The following RTL4 variants were observed in gnomAD, a reference collection of about 807,000 sequenced individuals.
RTL4 encodes retrotransposon Gag like 4.
In RTL4, 4 loss-of-function variants were observed where a neutral mutation model predicts 5.3. The observed-to-expected ratio is 0.75, with a 90% CI of 0.37 to 1.72. The LOEUF (loss-of-function observed/expected upper bound fraction) is 1.72. Ranked by LOEUF, RTL4 falls within the 40% of genes most tolerant of loss-of-function variation. The pLI, the probability that RTL4 is intolerant of heterozygous loss-of-function variation, is 0.04. For synonymous variants in RTL4, 98 were observed against 87.3 expected (o/e 1.12, Z -0.68); for missense variants, 260 against 227.1 (o/e 1.14, Z -0.93).
chrX:112,219,908 A>G, the RTL4 span, among the ~76,000 whole-genome samples: 1 of 111,954 alleles, frequency 8.9e-6, no homozygotes, highest in Admixed American at 9.5e-5. Context: ...TTAAGATAGA[A>G]AAACCTTTCT....
At chrX:112,189,165 A>G in the RTL4 span, among the ~76,000 whole-genome samples, 1 of 111,158 alleles carries the variant, frequency 9.0e-6, no homozygotes, top group Admixed American at 9.6e-5. Context: ...AGGCCAAGGT[A>G]GGAAGATTGC....
At chrX:112,087,137 T>A in the RTL4 span, among the ~76,000 whole-genome samples, 1 of 111,086 alleles carries the variant, frequency 9.0e-6, no homozygotes, top group African/African-American at 3.3e-5. Flanking sequence ...TAGAGGATAG[T>A]GACAGAGAAG....
At chrX:112,310,574 TATA>T in the RTL4 span, among the ~76,000 whole-genome samples, 1 of 24,541 alleles carries the variant, frequency 4.1e-5, no homozygotes, top group Non-Finnish European at 6.4e-5. Flanking sequence ...TATATTTATA[TATA>T]ATATTTCTAT....
chrX:112,288,161 G>A, the RTL4 span, among the ~76,000 whole-genome samples: 1 of 112,101 alleles, frequency 8.9e-6, no homozygotes, highest in South Asian at 3.7e-4. Flanking sequence ...GATGACTTAT[G>A]AAGGCTGCAA....
the RTL4 span, among the ~76,000 whole-genome samples, chrX:112,343,831 A>T: frequency 9.0e-6 from 1 of 111,649 alleles, no homozygotes; most frequent in East Asian, 2.8e-4. Context: ...CTTGTGTTTT[A>T]TATACAAACC....
the RTL4 span, among the ~76,000 whole-genome samples, chrX:112,190,594 A>T: frequency 3.6e-5 from 4 of 112,227 alleles, no homozygotes; most frequent in East Asian, 1.1e-3. Context: ...TTTATGCCAC[A>T]GGAGGTGCTC....
At chrX:112,439,144 G>A in the RTL4 span, among the ~76,000 whole-genome samples, 1,285 of 111,554 alleles carry the variant, frequency 0.012, 18 homozygotes, top group African/African-American at 0.04. Flanking sequence ...TCATAAGGTC[G>A]TGAGGGCTTT....
At chrX:112,366,630 C>T in the RTL4 span, among the ~76,000 whole-genome samples, 5 of 112,154 alleles carry the variant, frequency 4.5e-5, no homozygotes, top group African/African-American at 1.6e-4. Flanking sequence ...ACACACATTC[C>T]TCATGTGTCC....
At chrX:112,118,279 G>C in the RTL4 span, among the ~76,000 whole-genome samples, 2 of 112,016 alleles carry the variant, frequency 1.8e-5, no homozygotes, top group African/African-American at 6.5e-5. Context: ...GCAATATGTT[G>C]GGTTGATGTT....
chrX:112,268,820 A>G, the RTL4 span, among the ~76,000 whole-genome samples: 1 of 111,998 alleles, frequency 8.9e-6, no homozygotes, highest in Non-Finnish European at 1.9e-5. Flanking sequence ...CCTCAAACAC[A>G]TGTACAAAAA....
At chrX:112,357,243 C>G in the RTL4 span, among the ~76,000 whole-genome samples, 2 of 100,958 alleles carry the variant, frequency 2.0e-5, no homozygotes, top group Non-Finnish European at 4.1e-5. Context: ...ACTACTTCAC[C>G]AAAAAAAAAA....
At chrX:112,129,816 TAGA>T in the RTL4 span, among the ~76,000 whole-genome samples, 1 of 112,021 alleles carries the variant, frequency 8.9e-6, no homozygotes, top group Non-Finnish European at 1.9e-5. Flanking sequence ...GGGTACAGGA[TAGA>T]AGATCAACAT....
the RTL4 span, among the ~76,000 whole-genome samples, chrX:112,156,944 A>G: frequency 1.9e-4 from 21 of 111,179 alleles, no homozygotes; most frequent in South Asian, 7.6e-3. Flanking sequence ...GGTTTGATAA[A>G]ACAAATTGAT....
At chrX:112,169,016 CTTTCTCTTTCTCTTTCTTTCTT>C in the RTL4 span, among the ~76,000 whole-genome samples, 4 of 67,520 alleles carry the variant, frequency 5.9e-5, no homozygotes, top group African/African-American at 2.3e-4. Context: ...TTCTTTCTTT[CTTTCTCTTTCTCTTTCTTTCTT>C]TCTTTCTTTC....
chrX:112,431,988 T>G, the RTL4 span, among the ~76,000 whole-genome samples: 1 of 104,614 alleles, frequency 9.6e-6, no homozygotes, highest in Non-Finnish European at 2.0e-5. Context: ...GTGTTTGTTT[T>G]TTTGTTCTTG....
chrX:112,189,027 G>A, the RTL4 span, among the ~76,000 whole-genome samples: 1 of 110,982 alleles, frequency 9.0e-6, no homozygotes, highest in Admixed American at 9.6e-5. Flanking sequence ...TATTTTTATA[G>A]CTAGTGTGTA....
At chrX:112,455,667 G>A (rs140461317) in exon 1 of RTL4, 22,050 of 1,181,192 alleles carry the variant, frequency 0.019, 183 homozygotes, top group South Asian at 0.031. Context: ...AGTAAGAGGA[G>A]ACCAGGAAAG....
the RTL4 span, among the ~76,000 whole-genome samples, chrX:112,354,140 G>A: frequency 9.0e-6 from 1 of 110,976 alleles, no homozygotes; most frequent in Non-Finnish European, 1.9e-5. Context: ...CATAGAAGGG[G>A]GAATTACTTG....
At chrX:112,090,226 A>G in the RTL4 span, among the ~76,000 whole-genome samples, 2 of 110,487 alleles carry the variant, frequency 1.8e-5, no homozygotes, top group Non-Finnish European at 3.8e-5. Flanking sequence ...TTCCTAATTT[A>G]GATGCCATTT....
Sources: allele counts gnomAD v4.1 joint callset (sites outside exome capture counted in the v4.1 genomes callset), GRCh38; gene constraint gnomAD v4.1.1; transcripts MANE v1.5; gene names NCBI Gene and HGNC (gene_info 2026-07-23, HGNC 2026-07-21).